Variants in NME4 observed in about 807,000 individuals in gnomAD.
NME4 encodes the protein NME/NM23 nucleoside diphosphate kinase 4, also known as nucleoside diphosphate kinase D, mitochondrial.
A neutral mutation model predicts 16.4 loss-of-function variants in NME4; 21 were observed. The ratio of observed to expected loss-of-function variants is 1.28; its 90% CI spans 0.91 to 1.84. The LOEUF is 1.84. NME4 is among the 40% of genes most tolerant of loss of function. The pLI is 0.00. For missense variants in NME4, 316 were observed against 261.3 expected (o/e 1.21, Z -1.44); for synonymous variants, 132 against 107.5 (o/e 1.23, Z -1.41).
intron 1 of NME4, chr16:398,117 G>C: frequency 6.5e-7 from 1 of 1,534,468 alleles, no homozygotes; most frequent in Non-Finnish European, 8.8e-7. Flanking sequence ...GGGCTCCTCT[G>C]GAAACCAGGG....
upstream of NME4, chr16:397,095 CGGGGGTCCGGGGCGGCGG>C (rs1237140514): frequency 6.2e-6 from 1 of 161,248 alleles, no homozygotes; most frequent in Non-Finnish European, 1.2e-5. Context: ...CGCCGGGCCA[CGGGGGTCCGGGGCGGCGG>C]GGGGCTCCGG....
At position 399,615 on chromosome 16, in the gene NME4, C is replaced by T. The variant is rs375993738; in HGVS notation, c.328-12C>T. 147 of 1,611,512 alleles carry T rather than the reference C, an allele frequency of 9.1e-5. No individual in the cohort carries two copies. Among genetic ancestry groups the T allele is most frequent in the Non-Finnish European group, 1.2e-4 (143 of 1,178,542 alleles). On this transcript the variant is annotated splice_polypyrimidine_tract_variant and intron_variant, in intron 3 of 4. Coordinates refer to ENST00000219479, the MANE Select transcript of NME4 (RefSeq NM_005009.3). ...TTCCCCACTTCTCCCCAACCATTAT[C>T]TCTCGCTGCAGGTCTGGGAAGGGTA...
chr16:398,009 C>A (rs1296612040), intron 1 of NME4: 1 of 1,539,092 alleles, frequency 6.5e-7, no homozygotes, highest in African/African-American at 1.4e-5. Context: ...GGGGGTCTTC[C>A]TCCCGTGGGC....
chr16:399,086 G>A lies in NME4; in HGVS notation c.188G>A (p.Arg63Lys). Residue 63 changes from arginine to lysine, a missense_variant, in exon 2 of 5, where the codon AGG (arginine) becomes AAG (lysine). Physicochemically the swap from Arg to Lys is conservative, Grantham distance 26. Coordinates refer to ENST00000219479, the MANE Select transcript of NME4 (RefSeq NM_005009.3). ...LVGDVIQRFERRGFTLVGMKM... is the reference protein window; with the variant it reads ...LVGDVIQRFEKRGFTLVGMKM... ...GGGGACGTGATCCAGCGCTTTGAGAGGCGGGGCTTCACGCTGGTGGGGATG... is the reference window on the plus strand; with the variant it reads ...GGGGACGTGATCCAGCGCTTTGAGAAGCGGGGCTTCACGCTGGTGGGGATG... The A allele has an allele frequency of 6.2e-7, 1 of 1,600,334 alleles. No individual in the cohort carries two copies. The highest frequency in any genetic ancestry group is 8.5e-7 in the Non-Finnish European group (1 of 1,177,242).
chr16:398,719 C>T (rs564162619), intron 1 of NME4: 15 of 539,720 alleles, frequency 2.8e-5, no homozygotes, highest in African/African-American at 3.8e-5. Context: ...AACCTCGGGG[C>T]GATCTCAGGC....
At chr16:397,110 G>A (rs1042763346), upstream of NME4, 479 of 66,270 alleles carry the variant, frequency 7.2e-3, 1 homozygote, top group African/African-American at 0.021. Context: ...GTCCGGGGCG[G>A]CGGGGGGCTC....
chr16:400,267 C>A lies in NME4; in HGVS notation c.489C>A (p.Ile163=), dbSNP rs779118449. 5 of 1,605,048 alleles carry A rather than the reference C, an allele frequency of 3.1e-6. No individual in the cohort carries two copies. In the African/African-American group the frequency reaches 6.7e-5, roughly 21 times the overall value. Residue 163 remains isoleucine (I), a synonymous_variant, in exon 5 of 5, where the codon ATC becomes ATA. Transcript: ENST00000219479. ...CCGTGGAGGGGGCCCAGCGGGAGAT[C>A]CAGCTGTGGTTCCAGAGCAGTGAGC... ...SDSVEGAQRE[I]QLWFQSSELV...
At chr16:398,170 C>T (rs1467396813) in intron 1 of NME4, 1 of 1,517,430 alleles carries the variant, frequency 6.6e-7, no homozygotes, top group Non-Finnish European at 8.9e-7. Flanking sequence ...CAGCCTGGGA[C>T]TATAGGAAGG....
upstream of NME4, chr16:396,755 G>T: frequency 6.5e-6 from 1 of 152,684 alleles, no homozygotes. Context: ...GCTCACGTGG[G>T]AATTTCACCC....
intron 2 of NME4, 53 bp from the exon 3 acceptor site, chr16:399,326 G>A (rs541006534): frequency 1.9e-6 from 3 of 1,550,890 alleles, no homozygotes; most frequent in Non-Finnish European, 2.7e-6. Context: ...CAGCTGCTGT[G>A]CTAGTGCCCA....
rs557719413 is a variant in NME4 at position 399,319 on chromosome 16, C to G, written c.226-60C>G. 14 of 1,530,900 alleles carry G rather than the reference C, an allele frequency of 9.1e-6. No individual in the cohort carries two copies. In the Admixed American group the frequency reaches 2.0e-4, roughly 22 times the overall value. The allele number at this position is 1,530,900 out of a possible 1,614,324, so 94.8% of individuals were successfully genotyped here. A position where few individuals can be genotyped will look rare whatever the true frequency, so the allele number is the denominator to read the frequency against. On this transcript the variant is annotated intron_variant, in intron 2 of 4. Coordinates refer to ENST00000219479, the MANE Select transcript of NME4 (RefSeq NM_005009.3). ...GGTGCCTGAGGTCAGGGCATCACAGCTGCTGTGCTAGTGCCCACGTTTACT... is the reference window on the plus strand; with the variant it reads ...GGTGCCTGAGGTCAGGGCATCACAGGTGCTGTGCTAGTGCCCACGTTTACT...
Position 399,362 on chromosome 16 carries a change from A to G in NME4, c.226-17A>G. Reference sequence around the variant, plus strand: ...CGTTTACTGTCTGCGGCTCCTCCTTACCTCAATGCCACCCAGGCACCAGAG... The same window carrying G: ...CGTTTACTGTCTGCGGCTCCTCCTTGCCTCAATGCCACCCAGGCACCAGAG... On this transcript the variant is annotated splice_polypyrimidine_tract_variant and intron_variant, in intron 2 of 4. Transcript: ENST00000219479. 2 of 1,611,560 alleles carry G rather than the reference A, an allele frequency of 1.2e-6. No individual in the cohort carries two copies. Among genetic ancestry groups the G allele is most frequent in the Non-Finnish European group, 1.7e-6 (2 of 1,178,844 alleles).
chr16:397,402 G>A (rs890266830), intron 1 of NME4, 89 bp downstream of exon 1: 2 of 476,804 alleles, frequency 4.2e-6, no homozygotes, highest in East Asian at 2.3e-4. Context: ...TGCGGGCTGG[G>A]GTCCGACTCC....
At position 400,450 on chromosome 16, in the gene NME4, C is replaced by A; in HGVS notation, c.*108C>A. Reference sequence around the variant, plus strand: ...TGCCTGTCCCAAACCACTTACTTCCCTGTTCACCTCTGCCCCACCCCAGCC... The same window carrying A: ...TGCCTGTCCCAAACCACTTACTTCCATGTTCACCTCTGCCCCACCCCAGCC... On this transcript the variant is annotated 3_prime_UTR_variant, in exon 5 of 5. Coordinates refer to ENST00000219479, the MANE Select transcript of NME4 (RefSeq NM_005009.3). 1 of 1,382,858 alleles carries A rather than the reference C, an allele frequency of 7.2e-7. No homozygotes were observed. Among genetic ancestry groups the A allele is most frequent in the Non-Finnish European group, 9.7e-7 (1 of 1,034,654 alleles). 85.7% of individuals were successfully genotyped at this position (1,382,858 alleles called of 1,614,324 possible).
chr16:398,100 A>G (rs957003882), intron 1 of NME4: 33 of 1,531,252 alleles, frequency 2.2e-5, no homozygotes, highest in Non-Finnish European at 2.7e-5. Flanking sequence ...TGGGACATAC[A>G]GGGTCTGGGC....
intron 1 of NME4, among the ~76,000 whole-genome samples, 158 bp downstream of exon 1, chr16:397,471 C>G (rs983541875): frequency 7.2e-6 from 1 of 139,692 alleles, no homozygotes; most frequent in African/African-American, 2.6e-5. Flanking sequence ...GGCGCCGGCT[C>G]GCACCCGCAC....
chr16:398,267 C>A, intron 1 of NME4: 2 of 1,387,236 alleles, frequency 1.4e-6, no homozygotes, highest in African/African-American at 1.4e-5. Flanking sequence ...GGTCTGGAAG[C>A]GACAGGCCTT....
At position 400,430 on chromosome 16, in the gene NME4, G is replaced by A; in HGVS notation, c.*88G>A. On this transcript the variant is annotated 3_prime_UTR_variant, in exon 5 of 5. Transcript: ENST00000219479. ...CCCAAGCCCACATCCAAACCTGCCT[G>A]TCCCAAACCACTTACTTCCCTGTTC... is the stretch of plus-strand genomic sequence containing the variant. 1 of 1,503,990 alleles carries A rather than the reference G, an allele frequency of 6.6e-7. No homozygotes were observed. Among genetic ancestry groups the A allele is most frequent in the Non-Finnish European group, 8.9e-7 (1 of 1,126,528 alleles). 93.2% of individuals were successfully genotyped at this position (1,503,990 alleles called of 1,614,324 possible).
In NME4 at chr16:399,071, T is replaced by C; in HGVS notation, c.173T>C (p.Ile58Thr). ...CAACGGCGGCTCGTTGGGGACGTGATCCAGCGCTTTGAGAGGCGGGGCTTC... is the reference window on the plus strand; with the variant it reads ...CAACGGCGGCTCGTTGGGGACGTGACCCAGCGCTTTGAGAGGCGGGGCTTC... ...GVQRRLVGDV[I>T]QRFERRGFTL... Residue 58 changes from isoleucine to threonine, a missense_variant, in exon 2 of 5, where the codon ATC becomes ACC. Coordinates refer to ENST00000219479, the MANE Select transcript of NME4 (RefSeq NM_005009.3). 6.2e-7 allele frequency: 1 copy of C among 1,604,886 alleles called. No homozygotes were observed. Among genetic ancestry groups the C allele is most frequent in the Non-Finnish European group, 8.5e-7 (1 of 1,178,984 alleles).
Sources: allele counts gnomAD v4.1 joint callset (sites outside exome capture counted in the v4.1 genomes callset), GRCh38; gene constraint gnomAD v4.1.1; transcripts MANE v1.5; gene names NCBI Gene and HGNC (gene_info 2026-07-23, HGNC 2026-07-21).